ABHD6: variants seen among roughly 807,000 people sequenced by gnomAD.
ABHD6 encodes abhydrolase domain containing 6, acylglycerol lipase, also known as monoacylglycerol lipase ABHD6.
In ABHD6, 33 loss-of-function variants were observed where a neutral mutation model predicts 38.8. The ratio of observed to expected loss-of-function variants is 0.85; its 90% confidence interval spans 0.64 to 1.14. ABHD6 has a LOEUF of 1.14. Among genes scored for constraint, ABHD6 ranks in the 50% most tolerant of loss-of-function variants. The pLI is 0.00. For missense variants in ABHD6, 380 were observed against 422.6 expected, an observed-to-expected ratio of 0.90 and a Z score of 0.88; for synonymous variants, 147 against 161.6, an observed-to-expected ratio of 0.91 and a Z score of 0.69.
At chr3:58,277,157 C>A (rs981275307) in intron 7 of ABHD6, among the ~76,000 whole-genome samples, 2 of 152,092 alleles carry the variant, frequency 1.3e-5, no homozygotes, top group African/African-American at 2.4e-5. Flanking sequence ...TGAAGAAAGT[C>A]ATTGGTAGCT....
chr3:58,244,580 C>CTCTAT (rs1331382352), intron 1 of ABHD6, among the ~76,000 whole-genome samples: 46 of 152,122 alleles, frequency 3.0e-4, no homozygotes, highest in Admixed American at 2.9e-3. Flanking sequence ...GCCTGGGTAA[C>CTCTAT]ATAGAGAGAC....
At chr3:58,271,743 C>G (rs1246559297) in intron 6 of ABHD6, among the ~76,000 whole-genome samples, 1 of 139,148 alleles carries the variant, frequency 7.2e-6, no homozygotes, top group African/African-American at 2.7e-5. Context: ...TATTTTTTCT[C>G]TCCTCTATCT....
chr3:58,274,623 T>G, intron 6 of ABHD6, 35 bp from the exon 7 acceptor site: 4 of 1,601,450 alleles, frequency 2.5e-6, no homozygotes, highest in Non-Finnish European at 3.4e-6. Flanking sequence ...AGAAGGTGGA[T>G]GTATCATCAA....
At chr3:58,282,073 A>G (rs913357406) in intron 7 of ABHD6, among the ~76,000 whole-genome samples, 1 of 152,242 alleles carries the variant, frequency 6.6e-6, no homozygotes, top group Non-Finnish European at 1.5e-5. Flanking sequence ...TAGGCTCTGA[A>G]AAACAGTGTA....
intron 3 of ABHD6, among the ~76,000 whole-genome samples, chr3:58,264,409 A>G (rs984125590): frequency 4.5e-4 from 59 of 131,128 alleles, no homozygotes; most frequent in South Asian, 1.1e-3. Flanking sequence ...ACACACACAC[A>G]CACACACACA....
In ABHD6 at chr3:58,238,526, G is replaced by C. The variant is rs555080175; in HGVS notation, c.-91+610G>C. 1.3e-5 allele frequency: 2 copies of C among 152,422 alleles called. No individual in the cohort carries two copies. The highest frequency in any genetic ancestry group is 2.9e-5 in the Non-Finnish European group (2 of 68,202). The allele number at this position is 152,422 out of a possible 1,614,324, so 9.4% of individuals were successfully genotyped here. On this transcript the variant is annotated intron_variant, in intron 1 of 9. Transcript: ENST00000478253. The surrounding 1 kb of genome is among the most constrained non-coding windows in gnomAD (Gnocchi z 6.9). ...AGCCAGGTACCCGCCGGCAACTTGC[G>C]GTCCCCCGCCTACAGCGACACAGGT... is the stretch of plus-strand genomic sequence containing the variant.
intron 9 of ABHD6, among the ~76,000 whole-genome samples, chr3:58,290,192 A>C (rs2097461021): frequency 1.3e-5 from 1 of 77,034 alleles, no homozygotes; most frequent in Admixed American, 1.2e-4. Context: ...TCCCTCCCGG[A>C]CGGGGCGGCT....
Position 58,237,854 on chromosome 3 carries a change from G to C in ABHD6, c.-153G>C, listed in dbSNP as rs1156347055. 6.6e-6 allele frequency: 1 copy of C among 152,294 alleles called. No individual in the cohort carries two copies. Among genetic ancestry groups the C allele is most frequent in the South Asian group, 2.1e-4 (1 of 4,848 alleles). 9.4% of individuals were successfully genotyped at this position (152,294 alleles called of 1,614,324 possible). A position where few individuals can be genotyped will look rare whatever the true frequency, so the allele number is the denominator to read the frequency against. ...GCCCGGCGGCAGGTCCCAGCCCGGG[G>C]CTAGAGACCGAGGGCCGGGGTCCGG... On this transcript the variant is annotated 5_prime_UTR_variant, in exon 1 of 10. Coordinates refer to ENST00000478253, the MANE Select transcript of ABHD6 (RefSeq NM_001320126.2).
At chr3:58,284,183 G>T (rs2097455321) in intron 7 of ABHD6, among the ~76,000 whole-genome samples, 1 of 152,172 alleles carries the variant, frequency 6.6e-6, no homozygotes, top group South Asian at 2.1e-4. Context: ...TGGGTCAGTA[G>T]CCCAGGTCCA....
intron 3 of ABHD6, among the ~76,000 whole-genome samples, chr3:58,262,157 T>C (rs1317455461): frequency 1.3e-5 from 2 of 152,114 alleles, no homozygotes; most frequent in African/African-American, 2.4e-5. Flanking sequence ...GAAAGTAGAA[T>C]AGAGGTTGCT....
intron 7 of ABHD6, among the ~76,000 whole-genome samples, chr3:58,280,861 G>A (rs1053335752): frequency 6.6e-6 from 1 of 152,324 alleles, no homozygotes; most frequent in East Asian, 1.9e-4. Context: ...CTCAGCTGCA[G>A]GTCTGTTGGA....
At chr3:58,244,054 C>T (rs1249227747) in intron 1 of ABHD6, among the ~76,000 whole-genome samples, 2 of 152,218 alleles carry the variant, frequency 1.3e-5, no homozygotes, top group Non-Finnish European at 2.9e-5. Flanking sequence ...TGTTTTCAAC[C>T]CTGGTGGTCA....
At chr3:58,270,806 T>G (rs2097444294) in intron 5 of ABHD6, 126 bp from the exon 6 acceptor site, 1 of 1,090,482 alleles carries the variant, frequency 9.2e-7, no homozygotes, top group Admixed American at 2.9e-5. Flanking sequence ...CAGTAGAGTT[T>G]CAGACTCTTT....
chr3:58,292,249 A>C (rs1374070106), intron 9 of ABHD6, among the ~76,000 whole-genome samples: 2 of 152,196 alleles, frequency 1.3e-5, no homozygotes, highest in African/African-American at 2.4e-5. Context: ...AGTGGGCAGA[A>C]AATCTTGGTT....
At chr3:58,255,387 G>C (rs1575517337) in intron 2 of ABHD6, among the ~76,000 whole-genome samples, 1 of 151,554 alleles carries the variant, frequency 6.6e-6, no homozygotes, top group East Asian at 1.9e-4. Flanking sequence ...CCCCACCTTA[G>C]ATCAATCACT....
At position 58,271,199 on chromosome 3, in the gene ABHD6, A is replaced by G. The variant is rs149286236; in HGVS notation, c.523+135A>G. The G allele has an allele frequency of 4.5e-4, 422 of 929,726 alleles. 1 individual carries two copies. The African/African-American group carries it at 6.2e-3, about 14-fold the overall frequency. The allele number at this position is 929,726 out of a possible 1,614,324, so 57.6% of individuals were successfully genotyped here. A position where few individuals can be genotyped will look rare whatever the true frequency, so the allele number is the denominator to read the frequency against. On this transcript the variant is annotated intron_variant, in intron 6 of 9. Coordinates refer to ENST00000478253, the MANE Select transcript of ABHD6 (RefSeq NM_001320126.2). ...AGAGATATGCAGTGTTTTACTGATA[A>G]CTCTAACCAACCAATAGTTATATAA...
intron 3 of ABHD6, among the ~76,000 whole-genome samples, chr3:58,261,866 A>G (rs2097437218): frequency 6.6e-6 from 1 of 152,218 alleles, no homozygotes; most frequent in Admixed American, 6.5e-5. Flanking sequence ...AAAGAATTGC[A>G]AGCAGGGTCT....
chr3:58,267,091 C>T lies in ABHD6; in HGVS notation c.120-98C>T, dbSNP rs1366087283. The stretch of plus-strand genomic sequence containing the variant: ...AGGGCTGGAGAAGTGTTTGTGTTAT[C>T]ACTAAGGAAGACTTATAGAGAGGAC... On this transcript the variant is annotated intron_variant, in intron 3 of 9. Coordinates refer to ENST00000478253, the MANE Select transcript of ABHD6 (RefSeq NM_001320126.2). This position sits in a 1 kb window ranked among gnomAD's most constrained non-coding sequence, Gnocchi z 4.3. The T allele has an allele frequency of 3.8e-6, 5 of 1,299,350 alleles. No individual in the cohort carries two copies. Among genetic ancestry groups the T allele is most frequent in the Non-Finnish European group, 5.4e-6 (5 of 930,138 alleles). 80.5% of individuals were successfully genotyped at this position (1,299,350 alleles called of 1,614,324 possible). A position where few individuals can be genotyped will look rare whatever the true frequency, so the allele number is the denominator to read the frequency against.
intron 9 of ABHD6, among the ~76,000 whole-genome samples, chr3:58,291,209 C>G (rs2097462516): frequency 1.3e-5 from 2 of 150,122 alleles, no homozygotes; most frequent in African/African-American, 2.5e-5. Context: ...AAACCCGTCT[C>G]CACCAAAAAA....
Sources: gnomAD v4.1 joint callset for allele counts (sites outside exome capture counted in the v4.1 genomes callset) on GRCh38, gnomAD v4.1.1 for gene constraint, Gnocchi (gnomAD v3.1) non-coding constraint, MANE v1.5 for transcripts, NCBI Gene and HGNC (gene_info 2026-07-23, HGNC 2026-07-21) for gene names.